Variants in XRCC4 observed in about 807,000 individuals in gnomAD.
The protein encoded by XRCC4 is DNA repair protein XRCC4.
In XRCC4, 28 loss-of-function variants were observed where a neutral mutation model predicts 39.1. That is an observed-to-expected ratio of 0.72 (90% confidence interval 0.53 to 0.98). The LOEUF is 0.98. Among genes scored for constraint, XRCC4 ranks in the 50% least tolerant of loss-of-function variants. The pLI is 0.00. For synonymous variants in XRCC4, 123 were observed against 126.4 expected (o/e 0.97, Z 0.18); for missense variants, 350 against 376.4 (o/e 0.93, Z 0.58).
chr5:83,199,846 C>T (rs984507020), intron 4 of XRCC4, among the ~76,000 whole-genome samples: 2 of 151,788 alleles, frequency 1.3e-5, no homozygotes, highest in Admixed American at 1.3e-4. Context: ...CATTATTGTT[C>T]TGTTTTCCTA....
At chr5:83,132,874 C>G (rs1295858483) in intron 3 of XRCC4, among the ~76,000 whole-genome samples, 3 of 152,120 alleles carry the variant, frequency 2.0e-5, no homozygotes, top group Non-Finnish European at 4.4e-5. Flanking sequence ...TCATCTGAAG[C>G]CTTCTTCTCT....
At chr5:83,290,152 C>T (rs1754868291) in intron 7 of XRCC4, among the ~76,000 whole-genome samples, 1 of 151,678 alleles carries the variant, frequency 6.6e-6, no homozygotes, top group Non-Finnish European at 1.5e-5. Context: ...GGTTGTTTGC[C>T]CTGCAACCTC....
chr5:83,343,666 T>C (rs1756829218), intron 7 of XRCC4, among the ~76,000 whole-genome samples: 1 of 152,178 alleles, frequency 6.6e-6, no homozygotes, highest in African/African-American at 2.4e-5. Flanking sequence ...CGTTCCTTTT[T>C]TGACTCATTT....
intron 3 of XRCC4, among the ~76,000 whole-genome samples, chr5:83,120,492 G>A (rs886717131): frequency 2.0e-5 from 3 of 152,132 alleles, no homozygotes; most frequent in South Asian, 2.1e-4. Context: ...GCTTTCTTTC[G>A]TTATAGATCA....
intron 6 of XRCC4, among the ~76,000 whole-genome samples, chr5:83,211,189 C>G (rs1751631365): frequency 6.6e-6 from 1 of 152,184 alleles, no homozygotes; most frequent in Non-Finnish European, 1.5e-5. Context: ...AACTGGGAGT[C>G]TGTGGATTTC....
chr5:83,367,172 G>A, the XRCC4 span, among the ~76,000 whole-genome samples: 1 of 152,100 alleles, frequency 6.6e-6, no homozygotes, highest in African/African-American at 2.4e-5. Context: ...AGAGCAATAA[G>A]TCATAGAAAG....
At chr5:83,191,236 T>C (rs370182523) in intron 3 of XRCC4, among the ~76,000 whole-genome samples, 14 of 152,242 alleles carry the variant, frequency 9.2e-5, no homozygotes, top group African/African-American at 2.9e-4. Flanking sequence ...GAGAGGCCAA[T>C]GTAGGCTGAT....
intron 3 of XRCC4, among the ~76,000 whole-genome samples, chr5:83,115,306 A>G (rs913937102): frequency 1.3e-5 from 2 of 152,194 alleles, no homozygotes; most frequent in African/African-American, 4.8e-5. Context: ...GCATACCTGT[A>G]ATTCCAGCTA....
chr5:83,345,706 C>A (rs1212052326), intron 7 of XRCC4, among the ~76,000 whole-genome samples: 1 of 152,066 alleles, frequency 6.6e-6, no homozygotes, highest in Admixed American at 6.5e-5. Context: ...GATTGCTATT[C>A]CGGCCGTAGT....
chr5:83,097,493 A>C (rs1346081645), intron 1 of XRCC4, among the ~76,000 whole-genome samples: 1 of 152,018 alleles, frequency 6.6e-6, no homozygotes, highest in African/African-American at 2.4e-5. Flanking sequence ...ATTGTTTATA[A>C]GTCTTATTCC....
At chr5:83,255,651 G>A (rs1047698528) in intron 6 of XRCC4, among the ~76,000 whole-genome samples, 3 of 151,950 alleles carry the variant, frequency 2.0e-5, no homozygotes, top group African/African-American at 4.8e-5. Flanking sequence ...CCACACATAC[G>A]ATTATTAACT....
intron 6 of XRCC4, among the ~76,000 whole-genome samples, chr5:83,233,515 C>T (rs1752571741): frequency 6.6e-6 from 1 of 152,016 alleles, no homozygotes; most frequent in South Asian, 2.1e-4. Context: ...CCATTCTTCT[C>T]CAGAAAAGGA....
chr5:83,307,691 G>GA (rs1226702803), intron 7 of XRCC4, among the ~76,000 whole-genome samples: 25 of 152,148 alleles, frequency 1.6e-4, no homozygotes, highest in Non-Finnish European at 5.9e-5. Flanking sequence ...GAGATAGAAA[G>GA]AAAAAACAAT....
intron 3 of XRCC4, among the ~76,000 whole-genome samples, chr5:83,121,266 A>G (rs1269122763): frequency 6.6e-6 from 1 of 152,142 alleles, no homozygotes; most frequent in Non-Finnish European, 1.5e-5. Flanking sequence ...AAATCTTTGT[A>G]TGGACATATG....
chr5:83,238,220 G>A (rs111543411), intron 6 of XRCC4, among the ~76,000 whole-genome samples: 332 of 152,290 alleles, frequency 2.2e-3, no homozygotes, highest in African/African-American at 7.7e-3. Context: ...GGAAACTTAT[G>A]ATGGTTTCGA....
intron 3 of XRCC4, among the ~76,000 whole-genome samples, chr5:83,183,412 T>TTGTGTGTGTGTGTGTG (rs369446374): frequency 2.9e-5 from 4 of 139,336 alleles, no homozygotes; most frequent in African/African-American, 8.0e-5. Context: ...TTTCATTTAT[T>TTGTGTGTGTGTGTGTG]TGTGTGTGTG....
intron 7 of XRCC4, among the ~76,000 whole-genome samples, chr5:83,345,260 A>T (rs974599954): frequency 6.6e-6 from 1 of 152,108 alleles, no homozygotes; most frequent in Admixed American, 6.5e-5. Context: ...ATGGTTTTCA[A>T]TTTCTGCCTT....
At chr5:83,303,963 G>C (rs949972653) in intron 7 of XRCC4, among the ~76,000 whole-genome samples, 3 of 133,628 alleles carry the variant, frequency 2.2e-5, no homozygotes. Context: ...GCCTAATTAG[G>C]GTGAGGTGAG....
intron 3 of XRCC4, among the ~76,000 whole-genome samples, chr5:83,158,310 TAATA>T (rs1432681877): frequency 6.6e-6 from 1 of 152,124 alleles, no homozygotes; most frequent in African/African-American, 2.4e-5. Context: ...GTTTTCTTTT[TAATA>T]AATTGAGAAA....
Sources: gnomAD v4.1 joint callset for allele counts (sites outside exome capture counted in the v4.1 genomes callset) on GRCh38, gnomAD v4.1.1 for gene constraint, MANE v1.5 for transcripts, NCBI Gene and HGNC (gene_info 2026-07-23, HGNC 2026-07-21) for gene names.